Variants in RBFOX1 observed in about 807,000 individuals in gnomAD.
RBFOX1 encodes the protein RNA binding protein fox-1 homolog 1.
RBFOX1 carries 8 observed loss-of-function variants against 57.7 expected under a neutral mutation model. That is an observed-to-expected ratio of 0.14 (90% CI 0.08 to 0.25). The LOEUF is 0.25. Among genes scored for constraint, RBFOX1 ranks in the 10% least tolerant of loss-of-function variants. The probability of loss-of-function intolerance (pLI) is 1.00; values close to 1 mark genes in which losing one functional copy is unlikely to be tolerated. For missense variants in RBFOX1, 611 were observed against 548.5 expected, an observed-to-expected ratio of 1.11 and a Z score of -1.14; for synonymous variants, 326 against 222.4, an observed-to-expected ratio of 1.47 and a Z score of -4.15.
intron 2 of RBFOX1, among the ~76,000 whole-genome samples, chr16:6,325,418 A>T (rs577352997): frequency 1.3e-5 from 2 of 152,242 alleles, no homozygotes; most frequent in African/African-American, 4.8e-5. Flanking sequence ...TTCACCTTCT[A>T]TTAGCTTTAA....
intron 4 of RBFOX1, among the ~76,000 whole-genome samples, chr16:7,414,645 G>T (rs7185279): frequency 0.72 from 109,049 of 152,084 alleles, 40,704 homozygotes; most frequent in African/African-American, 0.92. Flanking sequence ...TGAGATCAAA[G>T]CTCACTCTGT....
At chr16:5,336,410 G>A (rs140846844) in intron 1 of RBFOX1, among the ~76,000 whole-genome samples, 81 of 152,304 alleles carry the variant, frequency 5.3e-4, no homozygotes, top group Non-Finnish European at 8.8e-4. Flanking sequence ...CGGTAAAACA[G>A]GGATGATGCT....
intron 4 of RBFOX1, among the ~76,000 whole-genome samples, chr16:7,120,087 A>G (rs4267321): frequency 0.22 from 33,747 of 151,958 alleles, 4,950 homozygotes; most frequent in East Asian, 0.52. Flanking sequence ...TTAAACCGCA[A>G]AGTCTAAATC....
At chr16:6,987,382 G>T (rs546365006) in intron 3 of RBFOX1, among the ~76,000 whole-genome samples, 269 of 151,274 alleles carry the variant, frequency 1.8e-3, no homozygotes, top group Non-Finnish European at 2.7e-3. Context: ...TCACTACCAT[G>T]GTTTCTGATT....
intron 3 of RBFOX1, among the ~76,000 whole-genome samples, chr16:7,007,279 T>G (rs1029133828): frequency 2.0e-5 from 3 of 152,218 alleles, no homozygotes; most frequent in African/African-American, 7.2e-5. Context: ...GTGTGGACTC[T>G]TCCAACTCAT....
At chr16:6,871,063 G>A (rs1056349181) in intron 3 of RBFOX1, among the ~76,000 whole-genome samples, 1 of 152,228 alleles carries the variant, frequency 6.6e-6, no homozygotes, top group Non-Finnish European at 1.5e-5. Context: ...AGTAGGCAGA[G>A]TCTTAGGAAT....
chr16:7,276,986 G>A (rs979273312), intron 4 of RBFOX1, among the ~76,000 whole-genome samples: 4 of 152,320 alleles, frequency 2.6e-5, no homozygotes, highest in Non-Finnish European at 4.4e-5. Context: ...GCAGCAAATC[G>A]TAGATGGTAT....
In RBFOX1 at chr16:6,962,955, C is replaced by A. The variant is rs139958548; in HGVS notation, c.-15-89102C>A. ...TGGGGTTGTTGGATCTTGCTTTGAT[C>A]GCTCAGCAGTTTGCATGGCAAAGGA... On this transcript the variant is annotated intron_variant, in intron 3 of 15. Transcript: ENST00000550418. Among the ~76,000 whole-genome samples, 4 of 152,206 alleles carry A rather than the reference C, an allele frequency of 2.6e-5. No homozygotes were observed. In the East Asian group the frequency reaches 7.8e-4, roughly 30 times the overall value.
intron 1 of RBFOX1, among the ~76,000 whole-genome samples, chr16:5,403,535 C>A (rs1276962413): frequency 2.0e-5 from 3 of 152,070 alleles, no homozygotes; most frequent in African/African-American, 7.2e-5. Flanking sequence ...CCTCCTCTTT[C>A]TGGGGTTTAA....
intron 1 of RBFOX1, among the ~76,000 whole-genome samples, chr16:5,434,141 C>G (rs1046524877): frequency 3.3e-5 from 5 of 152,050 alleles, no homozygotes; most frequent in African/African-American, 1.2e-4. Context: ...CCAGTCATAG[C>G]TGCGTTTTGT....
chr16:5,410,993 A>G (rs2067007248), intron 1 of RBFOX1, among the ~76,000 whole-genome samples: 1 of 152,242 alleles, frequency 6.6e-6, no homozygotes, highest in African/African-American at 2.4e-5. Context: ...GCGGGCCAAC[A>G]CAACAAAGTG....
At chr16:5,749,519 T>A (rs1418311949) in intron 3 of RBFOX1, among the ~76,000 whole-genome samples, 2 of 152,236 alleles carry the variant, frequency 1.3e-5, no homozygotes, top group Non-Finnish European at 2.9e-5. Flanking sequence ...GATGTAGATT[T>A]GGTCTTTTCA....
At chr16:5,287,276 C>A (rs570689072) in intron 1 of RBFOX1, among the ~76,000 whole-genome samples, 6 of 152,078 alleles carry the variant, frequency 3.9e-5, no homozygotes, top group Non-Finnish European at 7.4e-5. Context: ...TTGTACTCTA[C>A]CCTAGGCAAA....
At chr16:5,740,108 G>A (rs1176841914) in intron 3 of RBFOX1, among the ~76,000 whole-genome samples, 2 of 152,186 alleles carry the variant, frequency 1.3e-5, no homozygotes, top group South Asian at 2.1e-4. Flanking sequence ...CCTGGGAATA[G>A]AGAGGGCAGA....
At chr16:6,976,713 A>T (rs1598894604) in intron 3 of RBFOX1, among the ~76,000 whole-genome samples, 1 of 148,764 alleles carries the variant, frequency 6.7e-6, no homozygotes, top group Non-Finnish European at 1.5e-5. Context: ...CATATAGCAT[A>T]CATATCATAT....
chr16:7,285,006 C>A (rs543750634), intron 4 of RBFOX1, among the ~76,000 whole-genome samples: 1 of 151,586 alleles, frequency 6.6e-6, no homozygotes, highest in Non-Finnish European at 1.5e-5. Context: ...AATGGAATGC[C>A]GCCTCTTCAG....
rs2095453565 is a variant in RBFOX1 at position 7,277,031 on chromosome 16, A to G, written c.27+224933A>G. On this transcript the variant is annotated intron_variant, in intron 4 of 15. Coordinates refer to ENST00000550418, the MANE Select transcript of RBFOX1 (RefSeq NM_018723.4). Reference sequence around the variant, plus strand: ...TCTTTTTCAAGTTATTTTTACAGAAAGAAATGAGAATTTGTCTGCAGCCCT... The same window carrying G: ...TCTTTTTCAAGTTATTTTTACAGAAGGAAATGAGAATTTGTCTGCAGCCCT... 3.3e-5 allele frequency among the ~76,000 whole-genome samples: 5 copies of G among 152,252 alleles called. No individual in the cohort carries two copies. The South Asian group carries it at 1.0e-3, about 31-fold the overall frequency.
At chr16:7,264,454 A>C (rs896694939) in intron 4 of RBFOX1, among the ~76,000 whole-genome samples, 6 of 152,176 alleles carry the variant, frequency 3.9e-5, no homozygotes, top group African/African-American at 1.4e-4. Context: ...CAAACTCACA[A>C]AGCTAAGTCT....
intron 1 of RBFOX1, among the ~76,000 whole-genome samples, chr16:5,272,014 G>A (rs991412536): frequency 1.3e-5 from 2 of 152,140 alleles, no homozygotes; most frequent in African/African-American, 4.8e-5. Flanking sequence ...GGACACTTAG[G>A]TTGATTCTAT....
Sources: allele counts gnomAD v4.1 joint callset (sites outside exome capture counted in the v4.1 genomes callset), GRCh38; gene constraint gnomAD v4.1.1; transcripts MANE v1.5; gene names NCBI Gene and HGNC (gene_info 2026-07-23, HGNC 2026-07-21).